Variants in RIMBP2 observed in about 807,000 individuals in gnomAD.
The protein encoded by RIMBP2 is RIMS-binding protein 2.
A neutral mutation model predicts 118.6 loss-of-function variants in RIMBP2; 48 were observed. The ratio of observed to expected loss-of-function variants is 0.40; its 90% CI spans 0.32 to 0.51. RIMBP2 has a LOEUF of 0.51. RIMBP2 is among the 20% of genes least tolerant of loss of function. The pLI is 0.41. For missense variants in RIMBP2, 1,551 were observed against 1,768.3 expected (o/e 0.88, Z 2.20); for synonymous variants, 762 against 742.9 (o/e 1.03, Z -0.42).
intron 4 of RIMBP2, among the ~76,000 whole-genome samples, chr12:130,480,682 C>G (rs977674774): frequency 6.7e-6 from 1 of 148,580 alleles, no homozygotes; most frequent in Non-Finnish European, 1.5e-5. Context: ...CTCACTGCAG[C>G]CTCCACCTCC....
chr12:130,436,372 G>A (rs1187906049), intron 13 of RIMBP2, among the ~76,000 whole-genome samples: 1 of 152,208 alleles, frequency 6.6e-6, no homozygotes, highest in Non-Finnish European at 1.5e-5. Context: ...GGTGCATACA[G>A]ATACGTGTAT....
intron 18 of RIMBP2, among the ~76,000 whole-genome samples, chr12:130,413,307 T>C (rs1027652935): frequency 6.6e-6 from 1 of 152,042 alleles, no homozygotes; most frequent in Non-Finnish European, 1.5e-5. Flanking sequence ...GCACACTTTC[T>C]CTCATTTTCC....
Position 130,646,420 on chromosome 12 carries a change from CACT to C in RIMBP2, c.-351-17967_-351-17965del. Reference sequence around the variant, plus strand: ...CCACCTGCCTCTCCACCTCCCTCACCACTTCCCTCTCCACCTCCCTTGCCACCT... The same window carrying C: ...CCACCTGCCTCTCCACCTCCCTCACCTCCCTCTCCACCTCCCTTGCCACCT... On this transcript the variant is annotated intron_variant, in intron 1 of 22. Coordinates refer to ENST00000690449, the MANE Select transcript of RIMBP2 (RefSeq NM_001393629.1). Among the ~76,000 whole-genome samples the C allele has an allele frequency of 9.3e-5, 11 of 118,412 alleles. 1 individual carries two copies. Among genetic ancestry groups the C allele is most frequent in the Non-Finnish European group, 1.9e-4 (10 of 51,338 alleles). The allele number at this position is 118,412 out of a possible 152,430, so 77.7% of individuals were successfully genotyped here.
In RIMBP2 at chr12:130,456,715, C is replaced by G. The variant is rs370253768; in HGVS notation, c.154-15G>C. The G allele has an allele frequency of 2.5e-6, 4 of 1,588,718 alleles. No homozygotes were observed. In the African/African-American group the frequency reaches 5.4e-5, roughly 21 times the overall value. On this transcript the variant is annotated splice_polypyrimidine_tract_variant and intron_variant, in intron 6 of 22. Coordinates refer to ENST00000690449, the MANE Select transcript of RIMBP2 (RefSeq NM_001393629.1). ...CGAACCTTGGACTGCACGGCAGAAG[C>G]AGGACAGGGGGTCAGCGGTGGCATT...
At position 130,424,659 on chromosome 12, in the gene RIMBP2, C is replaced by T; in HGVS notation, c.2612G>A (p.Arg871Lys). 8.1e-7 allele frequency: 1 copy of T among 1,231,866 alleles called. No homozygotes were observed. The highest frequency in any genetic ancestry group is 1.0e-6 in the Non-Finnish European group (1 of 987,862). 76.3% of individuals were successfully genotyped at this position (1,231,866 alleles called of 1,614,324 possible). The change falls in exon 16 of 23, where the codon AGG becomes AAG. Residue 871 changes from arginine to lysine, a missense_variant. Coordinates refer to ENST00000690449, the MANE Select transcript of RIMBP2 (RefSeq NM_001393629.1). The surrounding 1 kb of genome is among the most constrained non-coding windows in gnomAD (Gnocchi z 9.8). Reference sequence around the variant, plus strand: ...AGGGGCCTCGTCGCCCCTGTAGGGCCTGCCGGGCCTGGGCTCTCTGGCCAG... The same window carrying T: ...AGGGGCCTCGTCGCCCCTGTAGGGCTTGCCGGGCCTGGGCTCTCTGGCCAG... Reference protein sequence around the residue: ...TGLAREPRPGRPYRGDEAPRG... With the variant: ...TGLAREPRPGKPYRGDEAPRG...
intron 15 of RIMBP2, chr12:130,425,170 A>G (rs898156779): frequency 7.5e-6 from 2 of 265,604 alleles, no homozygotes; most frequent in Non-Finnish European, 1.4e-5. Flanking sequence ...CAGGCCCCAC[A>G]GTGCCCACGG....
At chr12:130,521,311 G>A (rs2052082424) in intron 2 of RIMBP2, among the ~76,000 whole-genome samples, 1 of 152,204 alleles carries the variant, frequency 6.6e-6, no homozygotes, top group South Asian at 2.1e-4. Context: ...GCACGCTTGA[G>A]ATCAGAAGGC....
intron 19 of RIMBP2, among the ~76,000 whole-genome samples, chr12:130,409,332 CTTTTTTTTTTTT>C (rs35015661): frequency 7.5e-4 from 49 of 65,402 alleles, no homozygotes; most frequent in African/African-American, 2.2e-3. Context: ...CAAAATGTAG[CTTTTTTTTTTTT>C]TTTTTTTTTT....
intron 4 of RIMBP2, among the ~76,000 whole-genome samples, chr12:130,484,927 A>T (rs55971556): frequency 0.19 from 28,706 of 152,140 alleles, 3,107 homozygotes; most frequent in Middle Eastern, 0.32. Flanking sequence ...ATTCTTTTTC[A>T]ATTGGTTAGT....
In RIMBP2 at chr12:130,578,759, T is replaced by A. The variant is rs1031671824; in HGVS notation, c.-217+49563A>T. 6.6e-6 allele frequency among the ~76,000 whole-genome samples: 1 copy of A among 152,206 alleles called. No individual in the cohort carries two copies. Among genetic ancestry groups the A allele is most frequent in the African/African-American group, 2.4e-5 (1 of 41,450 alleles). On this transcript the variant is annotated intron_variant, in intron 2 of 22. Transcript: ENST00000690449. The surrounding 1 kb of genome is among the most constrained non-coding windows in gnomAD (Gnocchi z 4.1). ...TTGGCTTGTGCCTTCCACTGCACGC[T>A]CCACTATCTGAAGTCGCAGGTCCTC...
Position 130,475,967 on chromosome 12 carries a change from G to A in RIMBP2, c.102+2945C>T, listed in dbSNP as rs1051058846. On this transcript the variant is annotated intron_variant, in intron 5 of 22. Transcript: ENST00000690449. The surrounding 1 kb of genome is among the most constrained non-coding windows in gnomAD (Gnocchi z 4.1). ...CACAGTGGCATCGTCTGGCTTCCGG[G>A]TCTAAACCCGGGAGTTACCACGCAG... 6.6e-6 allele frequency among the ~76,000 whole-genome samples: 1 copy of A among 152,038 alleles called. No individual in the cohort carries two copies. The highest frequency in any genetic ancestry group is 1.5e-5 in the Non-Finnish European group (1 of 68,010).
intron 14 of RIMBP2, chr12:130,428,670 C>T (rs1010576172): frequency 4.8e-6 from 1 of 207,012 alleles, no homozygotes; most frequent in Non-Finnish European, 9.5e-6. Context: ...CTCAGCTTCT[C>T]CAACTTATTG....
chr12:130,537,772 G>A (rs968088321), intron 2 of RIMBP2, among the ~76,000 whole-genome samples: 1 of 152,190 alleles, frequency 6.6e-6, no homozygotes, highest in African/African-American at 2.4e-5. Context: ...CATCCTGATT[G>A]CTTTTCATGG....
chr12:130,615,246 A>ATAATTATGTG (rs1430365713), intron 2 of RIMBP2, among the ~76,000 whole-genome samples: 7 of 7,268 alleles, frequency 9.6e-4, no homozygotes, highest in African/African-American at 5.0e-3. Flanking sequence ...ATATGTACAC[A>ATAATTATGTG]TAATTATGTA....
chr12:130,432,987 G>A (rs915278987), intron 14 of RIMBP2, among the ~76,000 whole-genome samples: 2 of 152,258 alleles, frequency 1.3e-5, no homozygotes. Context: ...ACCTGGGGCC[G>A]AGGGGTCAAG....
At chr12:130,516,619 G>A (rs1285269226) in intron 3 of RIMBP2, among the ~76,000 whole-genome samples, 1 of 152,206 alleles carries the variant, frequency 6.6e-6, no homozygotes, top group Non-Finnish European at 1.5e-5. Flanking sequence ...GGGTTGAAAG[G>A]CAAGAAGCTC....
chr12:130,702,059 T>C (rs1341278040), intron 1 of RIMBP2, among the ~76,000 whole-genome samples: 2 of 152,120 alleles, frequency 1.3e-5, no homozygotes, highest in African/African-American at 2.4e-5. Context: ...AGTACGAGGA[T>C]GAGCCCAGCC....
intron 2 of RIMBP2, among the ~76,000 whole-genome samples, chr12:130,547,757 A>G (rs1234811245): frequency 6.6e-6 from 1 of 152,228 alleles, no homozygotes; most frequent in Admixed American, 6.5e-5. Flanking sequence ...CTCAGAGCAA[A>G]GCACGATCAC....
intron 2 of RIMBP2, among the ~76,000 whole-genome samples, chr12:130,547,399 C>T (rs986048345): frequency 6.6e-6 from 1 of 152,200 alleles, no homozygotes; most frequent in African/African-American, 2.4e-5. Context: ...ATAAACATTA[C>T]CTGCAACACA....
Sources: allele counts gnomAD v4.1 joint callset (sites outside exome capture counted in the v4.1 genomes callset), GRCh38; gene constraint gnomAD v4.1.1; non-coding constraint Gnocchi (gnomAD v3.1); transcripts MANE v1.5; gene names NCBI Gene and HGNC (gene_info 2026-07-23, HGNC 2026-07-21).